The following VRK3 variants were observed in gnomAD, a reference collection of about 807,000 sequenced individuals.
VRK3 encodes the protein VRK serine/threonine kinase 3, also known as serine/threonine-protein kinase VRK3.
In VRK3, 50 loss-of-function variants were observed where a neutral mutation model predicts 60.4. The ratio of observed to expected loss-of-function variants is 0.83; its 90% CI spans 0.66 to 1.05. The LOEUF (loss-of-function observed/expected upper bound fraction) is 1.05, where lower values mean the gene tolerates loss of function less well. Ranked by LOEUF, VRK3 falls within the 50% of genes least tolerant of loss-of-function variation. The pLI is 0.00. For synonymous variants in VRK3, 246 were observed against 227.8 expected, an observed-to-expected ratio of 1.08 and a Z score of -0.72; for missense variants, 549 against 585.3, an observed-to-expected ratio of 0.94 and a Z score of 0.64.
At chr19:49,983,308 C>T (rs2076455739) in intron 12 of VRK3, among the ~76,000 whole-genome samples, 1 of 152,190 alleles carries the variant, frequency 6.6e-6, no homozygotes, top group African/African-American at 2.4e-5. Flanking sequence ...GTGGTCTTCC[C>T]CACCCTGAGC....
rs10547355 is a variant in VRK3, at chr19:49,984,979, ATG to A, written c.1217+3391_1217+3392del. On this transcript the variant is annotated intron_variant, in intron 12 of 14. Coordinates refer to ENST00000316763, the MANE Select transcript of VRK3 (RefSeq NM_016440.4). Reference sequence around the variant, plus strand: ...TGCTCTCTGTTGTATCCAGAGAAGGATGTGTGTGTGTGTCACAGGGAATTGAG... The same window carrying A: ...TGCTCTCTGTTGTATCCAGAGAAGGATGTGTGTGTGTCACAGGGAATTGAG... Among the ~76,000 whole-genome samples, 952 of 152,150 alleles carry A rather than the reference ATG, an allele frequency of 6.3e-3. 7 individuals are homozygous for A. Among genetic ancestry groups the A allele is most frequent in the African/African-American group, 0.021 (865 of 41,500 alleles).
rs148836107 is a variant in VRK3 at position 50,009,332 on chromosome 19, A to G, written c.193T>C (p.Trp65Arg). Residue 65 changes from tryptophan to arginine, a missense_variant, in exon 4 of 15, where the codon TGG becomes CGG. Physicochemically the swap from Trp to Arg is moderately radical, Grantham distance 101. Coordinates refer to ENST00000316763, the MANE Select transcript of VRK3 (RefSeq NM_016440.4). Reference protein sequence around the residue: ...SFETSPKKVKWSSTVTSPRLS... With the variant: ...SFETSPKKVKRSSTVTSPRLS... ...CGGGGAGAGGTGACGGTGCTGGACC[A>G]TTTCACTTTCTTAGGAGAGGTTTCA... 1.2e-5 allele frequency: 20 copies of G among 1,613,882 alleles called. No homozygotes were observed. In the African/African-American group the frequency reaches 2.7e-4, roughly 22 times the overall value.
intron 6 of VRK3, chr19:49,998,120 CCT>C (rs948190188): frequency 3.3e-5 from 5 of 152,198 alleles, no homozygotes; most frequent in East Asian, 1.9e-4. Flanking sequence ...GAAAACTGCC[CCT>C]GACTTTTAAA....
intron 4 of VRK3, among the ~76,000 whole-genome samples, chr19:50,008,532 CAGG>C (rs1375521060): frequency 2.6e-5 from 4 of 152,198 alleles, no homozygotes; most frequent in Admixed American, 6.5e-5. Flanking sequence ...GCTCAGTGAA[CAGG>C]AGAAGGAACA....
intron 6 of VRK3, chr19:49,998,596 T>C (rs1225403052): frequency 2.0e-5 from 3 of 152,142 alleles, no homozygotes; most frequent in Admixed American, 6.5e-5. Flanking sequence ...CATTCATTCA[T>C]TCATTCTTCC....
At chr19:49,982,762 T>C (rs944810034) in intron 12 of VRK3, among the ~76,000 whole-genome samples, 4 of 152,192 alleles carry the variant, frequency 2.6e-5, no homozygotes, top group Non-Finnish European at 4.4e-5. Flanking sequence ...TACACACACA[T>C]ACACATATAT....
chr19:50,007,514 C>T (rs2076916532), intron 5 of VRK3, 55 bp downstream of exon 5: 1 of 1,602,414 alleles, frequency 6.2e-7, no homozygotes, highest in Admixed American at 1.7e-5. Context: ...GGTCCCCTCC[C>T]ACTGTCCTGG....
rs1356529399 is a variant in VRK3 at position 49,995,808 on chromosome 19, G to A, written c.680-533C>T. 3.3e-5 allele frequency among the ~76,000 whole-genome samples: 5 copies of A among 152,146 alleles called. No homozygotes were observed. In the East Asian group the frequency reaches 9.6e-4, roughly 29 times the overall value. ...CTGTCGCCCTGGATGGAATACAATG[G>A]CGCGATCTTGGCTCACTGCAACCTC... is the stretch of plus-strand genomic sequence containing the variant. On this transcript the variant is annotated intron_variant, in intron 7 of 14. Coordinates refer to ENST00000316763, the MANE Select transcript of VRK3 (RefSeq NM_016440.4).
intron 3 of VRK3, among the ~76,000 whole-genome samples, chr19:50,012,713 A>G (rs866655215): frequency 1.3e-5 from 2 of 152,072 alleles, no homozygotes; most frequent in Non-Finnish European, 2.9e-5. Context: ...GGTCTCTACT[A>G]AAAATACAAA....
At chr19:50,010,017 A>C (rs1435383173) in intron 3 of VRK3, among the ~76,000 whole-genome samples, 1 of 151,678 alleles carries the variant, frequency 6.6e-6, no homozygotes, top group African/African-American at 2.4e-5. Flanking sequence ...TGTTTAAACC[A>C]CCCACCGAGT....
chr19:49,988,362 C>G lies in VRK3; in HGVS notation c.1217+10G>C. On this transcript the variant is annotated intron_variant, in intron 12 of 14. Transcript: ENST00000316763. The stretch of plus-strand genomic sequence containing the variant: ...CCACCTGCAGGGGTTCTGCTGACCC[C>G]TAGACTCACTTCTGTTTTTGCTTCA... 1 of 1,609,978 alleles carries G rather than the reference C, an allele frequency of 6.2e-7. No homozygotes were observed. Among genetic ancestry groups the G allele is most frequent in the Non-Finnish European group, 8.5e-7 (1 of 1,177,788 alleles).
Position 50,007,655 on chromosome 19 carries a change from G to A in VRK3, c.461C>T (p.Thr154Ile), listed in dbSNP as rs778953135. Residue 154 changes from threonine (T) to isoleucine (I), a missense_variant, in exon 5 of 15, where the codon ACA (threonine) becomes ATA (isoleucine). Coordinates refer to ENST00000316763, the MANE Select transcript of VRK3 (RefSeq NM_016440.4). Reference protein sequence around the residue: ...RVTTSLEALPTGTVLTDKSGR... With the variant: ...RVTTSLEALPIGTVLTDKSGR... The stretch of plus-strand genomic sequence containing the variant: ...ACTCTTGTCTGTCAGCACTGTCCCT[G>A]TGGGCAAAGCTTCAAGTGAGGTGGT... The A allele has an allele frequency of 5.0e-6, 8 of 1,614,198 alleles. No homozygotes were observed. The highest frequency in any genetic ancestry group is 5.9e-6 in the Non-Finnish European group (7 of 1,180,046).
At chr19:50,018,298 C>CTATATTCCAGT (rs1275557256) in intron 2 of VRK3, among the ~76,000 whole-genome samples, 11 of 152,226 alleles carry the variant, frequency 7.2e-5, no homozygotes, top group Admixed American at 7.2e-4. Context: ...ACCCAAGTTA[C>CTATATTCCAGT]TATATTCCAG....
intron 4 of VRK3, among the ~76,000 whole-genome samples, chr19:50,008,566 T>C (rs955575754): frequency 6.6e-6 from 1 of 152,180 alleles, no homozygotes; most frequent in Non-Finnish European, 1.5e-5. Flanking sequence ...GCCTCCCGTG[T>C]CCTGGGCACT....
intron 13 of VRK3, among the ~76,000 whole-genome samples, chr19:49,979,653 C>T (rs35464650): frequency 0.23 from 35,589 of 152,118 alleles, 4,698 homozygotes; most frequent in African/African-American, 0.35. Context: ...CAACCTCTGG[C>T]TGACCAGCTT....
intron 12 of VRK3, among the ~76,000 whole-genome samples, chr19:49,983,579 C>T (rs753153653): frequency 3.3e-5 from 5 of 152,260 alleles, no homozygotes; most frequent in East Asian, 1.9e-4. Context: ...GCCCTAACAG[C>T]GGGTCCAAAG....
At chr19:49,987,955 G>A in intron 12 of VRK3, 2 of 157,306 alleles carry the variant, frequency 1.3e-5, no homozygotes, top group Non-Finnish European at 2.8e-5. Flanking sequence ...GCCCGCCTCT[G>A]CCTCCCAAAG....
At chr19:50,009,113 T>G in intron 4 of VRK3, 123 bp downstream of exon 4, 1 of 1,181,406 alleles carries the variant, frequency 8.5e-7, no homozygotes, top group Non-Finnish European at 1.2e-6. Context: ...GCTGCTGGAG[T>G]CAGAGTCCAG....
Position 50,009,279 on chromosome 19 carries a change from A to G in VRK3, c.246T>C (p.Ser82=), listed in dbSNP as rs2076955760. Residue 82 remains serine, a synonymous_variant, in exon 4 of 15, where the codon AGT becomes AGC. Coordinates refer to ENST00000316763, the MANE Select transcript of VRK3 (RefSeq NM_016440.4). The part of the protein sequence containing the change: ...PRLSLFSDGD[S]SESEDTLSSS... Reference sequence around the variant, plus strand: ...AACTCAGAGTATCTTCAGACTCAGAACTGTCACCATCTGAGAAGAGGGATA... The same window carrying G: ...AACTCAGAGTATCTTCAGACTCAGAGCTGTCACCATCTGAGAAGAGGGATA... 6.2e-7 allele frequency: 1 copy of G among 1,614,020 alleles called. No individual in the cohort carries two copies. Among genetic ancestry groups the G allele is most frequent in the Non-Finnish European group, 8.5e-7 (1 of 1,180,008 alleles).
Sources: gnomAD v4.1 joint callset for allele counts (sites outside exome capture counted in the v4.1 genomes callset) on GRCh38, gnomAD v4.1.1 for gene constraint, MANE v1.5 for transcripts, NCBI Gene and HGNC (gene_info 2026-07-23, HGNC 2026-07-21) for gene names.